WWOX: variants seen among roughly 807,000 people sequenced by gnomAD.
The protein encoded by WWOX is WW domain-containing oxidoreductase.
A neutral mutation model predicts 46.2 loss-of-function variants in WWOX; 69 were observed. The observed-to-expected ratio is 1.49, with a 90% CI of 1.23 to 1.82. WWOX has a LOEUF of 1.82. WWOX is among the 40% of genes most tolerant of loss of function. The pLI is 0.00. For synonymous variants in WWOX, 359 were observed against 202.6 expected, an observed-to-expected ratio of 1.77 and a Z score of -6.56; for missense variants, 919 against 542.6, an observed-to-expected ratio of 1.69 and a Z score of -6.89.
chr16:78,917,000 C>T (rs1032160221), intron 8 of WWOX, among the ~76,000 whole-genome samples: 3 of 152,140 alleles, frequency 2.0e-5, no homozygotes, highest in Non-Finnish European at 4.4e-5. Flanking sequence ...TCAGCATTGG[C>T]ACCATTTTGT....
At chr16:79,179,386 C>G (rs1276475795) in intron 8 of WWOX, among the ~76,000 whole-genome samples, 1 of 152,194 alleles carries the variant, frequency 6.6e-6, no homozygotes, top group Non-Finnish European at 1.5e-5. Flanking sequence ...CTTGGGTACA[C>G]TTTCCACCCT....
At chr16:79,122,955 C>T (rs1351392319) in intron 8 of WWOX, among the ~76,000 whole-genome samples, 1 of 152,222 alleles carries the variant, frequency 6.6e-6, no homozygotes, top group African/African-American at 2.4e-5. Flanking sequence ...TCGCCATCCA[C>T]ATGGTCATTG....
At chr16:78,940,527 C>T (rs951772416) in intron 8 of WWOX, among the ~76,000 whole-genome samples, 4 of 152,096 alleles carry the variant, frequency 2.6e-5, no homozygotes, top group Admixed American at 6.6e-5. Flanking sequence ...TCATTTCCAT[C>T]GACATCCCGT....
chr16:78,834,402 A>T (rs1453968114), intron 8 of WWOX, among the ~76,000 whole-genome samples: 2 of 152,186 alleles, frequency 1.3e-5, no homozygotes, highest in Non-Finnish European at 2.9e-5. Flanking sequence ...GCACAAATTG[A>T]ATCTAGGTTT....
At chr16:78,700,229 G>T (rs554215860) in intron 8 of WWOX, among the ~76,000 whole-genome samples, 1 of 151,262 alleles carries the variant, frequency 6.6e-6, no homozygotes, top group East Asian at 2.0e-4. Flanking sequence ...AGATGTCAGG[G>T]CACCAGCATG....
chr16:78,485,523 C>T (rs1236716525), intron 8 of WWOX, among the ~76,000 whole-genome samples: 1 of 152,206 alleles, frequency 6.6e-6, no homozygotes, highest in Non-Finnish European at 1.5e-5. Flanking sequence ...CACCAACTCC[C>T]CTTTCAAACG....
At chr16:79,036,765 C>A (rs2047875027) in intron 8 of WWOX, among the ~76,000 whole-genome samples, 1 of 152,136 alleles carries the variant, frequency 6.6e-6, no homozygotes, top group South Asian at 2.1e-4. Flanking sequence ...AGGCATGCTG[C>A]ATATCTGTCA....
intron 8 of WWOX, among the ~76,000 whole-genome samples, chr16:78,610,264 T>C (rs1482076662): frequency 1.3e-5 from 2 of 152,250 alleles, no homozygotes; most frequent in South Asian, 2.1e-4. Context: ...CCCAGAGATA[T>C]GAAGTACACT....
At chr16:79,060,914 C>T (rs922579409) in intron 8 of WWOX, among the ~76,000 whole-genome samples, 3 of 152,148 alleles carry the variant, frequency 2.0e-5, no homozygotes, top group African/African-American at 7.2e-5. Flanking sequence ...TCCATCCACC[C>T]AAAAGCACTA....
intron 8 of WWOX, among the ~76,000 whole-genome samples, chr16:79,160,117 C>T (rs1383078713): frequency 6.6e-6 from 1 of 152,212 alleles, no homozygotes; most frequent in Non-Finnish European, 1.5e-5. Flanking sequence ...TAAATTCACT[C>T]GGCAAGAAGC....
chr16:78,717,302 G>A (rs1156340125), intron 8 of WWOX, among the ~76,000 whole-genome samples: 1 of 152,170 alleles, frequency 6.6e-6, no homozygotes, highest in Admixed American at 6.5e-5. Flanking sequence ...TACTGGGAGA[G>A]ACAGCATAAT....
intron 8 of WWOX, among the ~76,000 whole-genome samples, chr16:79,112,834 G>A (rs535586544): frequency 4.6e-5 from 7 of 152,258 alleles, no homozygotes; most frequent in South Asian, 2.1e-4. Flanking sequence ...TCAGGAGACC[G>A]TCCAAGGTCA....
chr16:78,419,710 G>T (rs951078600), intron 6 of WWOX, among the ~76,000 whole-genome samples: 1 of 150,166 alleles, frequency 6.7e-6, no homozygotes, highest in South Asian at 2.1e-4. Flanking sequence ...AAACATAGGG[G>T]TATATTTTTC....
At chr16:78,941,177 G>C (rs2045844223) in intron 8 of WWOX, among the ~76,000 whole-genome samples, 2 of 152,150 alleles carry the variant, frequency 1.3e-5, no homozygotes. Flanking sequence ...GAATGAATAG[G>C]AAATATCCCA....
chr16:78,537,192 C>T (rs928383336), intron 8 of WWOX, among the ~76,000 whole-genome samples: 1 of 152,104 alleles, frequency 6.6e-6, no homozygotes. Flanking sequence ...GCTGGGATTA[C>T]AGGGGTGACC....
chr16:78,357,711 C>CT (rs1372918722), intron 5 of WWOX, among the ~76,000 whole-genome samples: 1 of 152,194 alleles, frequency 6.6e-6, no homozygotes, highest in Non-Finnish European at 1.5e-5. Flanking sequence ...ATCACTTCCA[C>CT]ATGCCAGGCA....
At chr16:79,068,803 C>A (rs1445326146) in intron 8 of WWOX, among the ~76,000 whole-genome samples, 1 of 146,702 alleles carries the variant, frequency 6.8e-6, no homozygotes, top group Non-Finnish European at 1.5e-5. Context: ...AGAGCCAGAA[C>A]TTGTCTCAAA....
chr16:79,165,181 C>G (rs917808133), intron 8 of WWOX, among the ~76,000 whole-genome samples: 5 of 151,720 alleles, frequency 3.3e-5, no homozygotes, highest in African/African-American at 1.2e-4. Context: ...ATAAATCTCC[C>G]TGGACATGAA....
At chr16:79,143,100 T>C (rs2050120641) in intron 8 of WWOX, among the ~76,000 whole-genome samples, 1 of 152,136 alleles carries the variant, frequency 6.6e-6, no homozygotes, top group Admixed American at 6.5e-5. Flanking sequence ...AGTATTTGGC[T>C]TTGAAAAAAA....
Sources: allele counts gnomAD v4.1 joint callset (sites outside exome capture counted in the v4.1 genomes callset), GRCh38; gene constraint gnomAD v4.1.1; transcripts MANE v1.5; gene names NCBI Gene and HGNC (gene_info 2026-07-23, HGNC 2026-07-21).